CRK: variants seen among roughly 807,000 people sequenced by gnomAD.
CRK encodes the protein CRK proto-oncogene, adaptor protein.
CRK carries 4 observed loss-of-function variants against 29.8 expected under a neutral mutation model. The ratio of observed to expected loss-of-function variants is 0.13; its 90% confidence interval spans 0.07 to 0.31. The LOEUF (loss-of-function observed/expected upper bound fraction) is 0.31, where lower values mean the gene tolerates loss of function less well. Ranked by LOEUF, CRK falls within the 10% of genes least tolerant of loss-of-function variation. The pLI is 1.00. For missense variants in CRK, 274 were observed against 396.5 expected (o/e 0.69, Z 2.62); for synonymous variants, 153 against 164.9 (o/e 0.93, Z 0.55).
rs376063689 is a variant in CRK at position 1,423,058 on chromosome 17, A to G, written c.*455T>C. 1 of 402,224 alleles carries G rather than the reference A, an allele frequency of 2.5e-6. No individual in the cohort carries two copies. The highest frequency in any genetic ancestry group is 1.2e-4 in the South Asian group (1 of 8,166). The allele number at this position is 402,224 out of a possible 1,614,324, so 24.9% of individuals were successfully genotyped here. ...CATACAATGAAAGCAATCCTGCTTG[A>G]TACTATTCACACGGTGCATGATTAC... On this transcript the variant is annotated 3_prime_UTR_variant, in exon 3 of 3. Coordinates refer to ENST00000300574, the MANE Select transcript of CRK (RefSeq NM_016823.4).
chr17:1,453,437 G>A (rs887106535), intron 1 of CRK, among the ~76,000 whole-genome samples: 4 of 152,086 alleles, frequency 2.6e-5, no homozygotes, highest in Admixed American at 2.0e-4. Flanking sequence ...ATCATGTGAC[G>A]ACATATAATG....
At chr17:1,432,792 A>C (rs573720448) in intron 2 of CRK, among the ~76,000 whole-genome samples, 1 of 151,728 alleles carries the variant, frequency 6.6e-6, no homozygotes, top group Non-Finnish European at 1.5e-5. Flanking sequence ...AAAAAAAAAA[A>C]GAAAAGAAGA....
At chr17:1,442,528 T>C (rs555835474) in intron 1 of CRK, among the ~76,000 whole-genome samples, 2 of 151,836 alleles carry the variant, frequency 1.3e-5, no homozygotes, top group African/African-American at 4.8e-5. Context: ...TAATTTTAAT[T>C]ATATGTGAGC....
intron 2 of CRK, among the ~76,000 whole-genome samples, chr17:1,428,845 TTC>T (rs891502391): frequency 1.4e-5 from 2 of 147,232 alleles, no homozygotes; most frequent in South Asian, 2.1e-4. Context: ...AATGTACAGA[TTC>T]TCTCTCTTTT....
At chr17:1,454,902 G>A (rs940884643) in intron 1 of CRK, among the ~76,000 whole-genome samples, 1 of 152,092 alleles carries the variant, frequency 6.6e-6, no homozygotes, top group African/African-American at 2.4e-5. Context: ...ATCCCTCCCT[G>A]GCAAGGAAAA....
chr17:1,447,801 A>G (rs534043988), intron 1 of CRK, among the ~76,000 whole-genome samples: 1 of 151,392 alleles, frequency 6.6e-6, no homozygotes, highest in South Asian at 2.1e-4. Flanking sequence ...ATTTTTAGGA[A>G]AGACAGGGTT....
intron 2 of CRK, among the ~76,000 whole-genome samples, chr17:1,431,649 G>A (rs972223145): frequency 3.3e-5 from 5 of 152,020 alleles, no homozygotes; most frequent in African/African-American, 7.3e-5. Context: ...CTGCAGTAGC[G>A]CAATCATAGC....
At chr17:1,453,007 A>G (rs2074030395) in intron 1 of CRK, among the ~76,000 whole-genome samples, 1 of 152,098 alleles carries the variant, frequency 6.6e-6, no homozygotes, top group African/African-American at 2.4e-5. Context: ...ACTCAGGAGG[A>G]TGAAGTGGGA....
At position 1,437,115 on chromosome 17, in the gene CRK, A is replaced by C; in HGVS notation, c.282T>G (p.Phe94Leu). The change falls in exon 2 of 3, where the codon TTT becomes TTG. Residue 94 changes from phenylalanine (F) to leucine (L), a missense_variant. Phe to Leu is a conservative substitution (Grantham distance 22, BLOSUM62 0). Transcript: ENST00000300574. ...ATTCCAGTAAAGCAGGCAATGAATC[A>C]AACTCTTGATCTCCTATTCGGAGTC... Reference protein sequence around the residue: ...PSRLRIGDQEFDSLPALLEFY... With the variant: ...PSRLRIGDQELDSLPALLEFY... 1 of 1,613,834 alleles carries C rather than the reference A, an allele frequency of 6.2e-7. No individual in the cohort carries two copies. Among genetic ancestry groups the C allele is most frequent in the Non-Finnish European group, 8.5e-7 (1 of 1,179,834 alleles).
At chr17:1,450,465 C>T (rs1328699092) in intron 1 of CRK, among the ~76,000 whole-genome samples, 3 of 152,146 alleles carry the variant, frequency 2.0e-5, no homozygotes, top group Admixed American at 6.6e-5. Context: ...CGAGATCGCG[C>T]CACTGCCCTC....
intron 1 of CRK, among the ~76,000 whole-genome samples, chr17:1,448,620 C>CA (rs1292024313): frequency 0.14 from 4,546 of 32,148 alleles, 362 homozygotes; most frequent in Non-Finnish European, 0.17. Context: ...GACTCCATCT[C>CA]AAAAAAAAAA....
chr17:1,435,188 T>C (rs935909698), intron 2 of CRK, among the ~76,000 whole-genome samples: 1 of 152,048 alleles, frequency 6.6e-6, no homozygotes, highest in African/African-American at 2.4e-5. Flanking sequence ...GCCTCCCAAG[T>C]AGCTGGGACC....
intron 1 of CRK, among the ~76,000 whole-genome samples, chr17:1,443,382 G>A (rs1352618674): frequency 6.6e-6 from 1 of 151,590 alleles, no homozygotes; most frequent in Non-Finnish European, 1.5e-5. Flanking sequence ...GCTAATTTTT[G>A]TATTTTTTAT....
chr17:1,447,908 C>A (rs1172081594), intron 1 of CRK, among the ~76,000 whole-genome samples: 1 of 152,148 alleles, frequency 6.6e-6, no homozygotes, highest in Non-Finnish European at 1.5e-5. Context: ...CGAGCCACCA[C>A]ACCCGGCCCT....
intron 2 of CRK, 114 bp from the exon 3 acceptor site, chr17:1,423,764 G>A: frequency 7.4e-7 from 1 of 1,351,368 alleles, no homozygotes; most frequent in Non-Finnish European, 1.0e-6. Context: ...GGATATTACA[G>A]AAATGGCCAT....
At chr17:1,431,058 C>T (rs1286388087) in intron 2 of CRK, among the ~76,000 whole-genome samples, 3 of 144,490 alleles carry the variant, frequency 2.1e-5, no homozygotes, top group Non-Finnish European at 4.5e-5. Context: ...CAGAGTGAGA[C>T]TCCGTCTCAA....
intron 2 of CRK, among the ~76,000 whole-genome samples, chr17:1,430,411 C>T (rs2073829098): frequency 6.6e-6 from 1 of 151,082 alleles, no homozygotes; most frequent in Admixed American, 6.6e-5. Flanking sequence ...GGCTGGAGTG[C>T]AGTGGCGCGA....
At chr17:1,430,437 A>G (rs953914337) in intron 2 of CRK, among the ~76,000 whole-genome samples, 3 of 151,172 alleles carry the variant, frequency 2.0e-5, no homozygotes, top group Non-Finnish European at 4.4e-5. Flanking sequence ...GCTCACTGCA[A>G]GCTCCGCCTC....
intron 2 of CRK, among the ~76,000 whole-genome samples, chr17:1,424,016 C>T (rs2073752223): frequency 6.6e-6 from 1 of 151,618 alleles, no homozygotes; most frequent in African/African-American, 2.4e-5. Flanking sequence ...TCACTACCCT[C>T]AGCTTTCTGC....
Sources: gnomAD v4.1 joint callset for allele counts (sites outside exome capture counted in the v4.1 genomes callset) on GRCh38, gnomAD v4.1.1 for gene constraint, MANE v1.5 for transcripts, NCBI Gene and HGNC (gene_info 2026-07-23, HGNC 2026-07-21) for gene names.